The following SNTG2 variants were observed in gnomAD, a reference collection of about 807,000 sequenced individuals.
SNTG2 encodes gamma-2-syntrophin.
Under a neutral mutation model 70.9 loss-of-function variants are expected in SNTG2, and 74 were observed. The observed-to-expected ratio is 1.04, with a 90% confidence interval of 0.86 to 1.27. The LOEUF (loss-of-function observed/expected upper bound fraction) is 1.27, where lower values mean the gene tolerates loss of function less well. Ranked by LOEUF, SNTG2 falls within the 50% of genes most tolerant of loss-of-function variation. The pLI is 0.00. For synonymous variants in SNTG2, 278 were observed against 273.8 expected (o/e 1.02, Z -0.15); for missense variants, 717 against 690.7 (o/e 1.04, Z -0.43).
Position 1,038,477 on chromosome 2 carries a change from T to G in SNTG2, c.73-45041T>G, listed in dbSNP as rs916390554. Among the ~76,000 whole-genome samples, 8 of 152,222 alleles carry G rather than the reference T, an allele frequency of 5.3e-5. No individual in the cohort carries two copies. The South Asian group carries it at 1.2e-3, about 24-fold the overall frequency. ...TGGACCCGAGGAAGCTCCGCCTTCC[T>G]TGAAGTCATAGCCCCTCCTACAGTT... On this transcript the variant is annotated intron_variant, in intron 1 of 16. Coordinates refer to ENST00000308624, the MANE Select transcript of SNTG2 (RefSeq NM_018968.4).
rs11900843 is a variant in SNTG2, at chr2:1,094,854, T to C, written c.211-3342T>C. Among the ~76,000 whole-genome samples the C allele has an allele frequency of 9.7e-4, 71 of 73,420 alleles. 21 individuals are homozygous for C. The highest frequency in any genetic ancestry group is 1.9e-3 in the South Asian group (3 of 1,600). The allele number at this position is 73,420 out of a possible 152,430, so 48.2% of individuals were successfully genotyped here. On this transcript the variant is annotated intron_variant, in intron 2 of 16. Coordinates refer to ENST00000308624, the MANE Select transcript of SNTG2 (RefSeq NM_018968.4). ...ATGTGGTAGAGTTACTGGCAAGGGC[T>C]GGCTTCCTGGGCTGCAGGCGAAGGC...
chr2:951,832 G>C (rs1208147399), intron 1 of SNTG2, among the ~76,000 whole-genome samples: 1 of 152,052 alleles, frequency 6.6e-6, no homozygotes, highest in Non-Finnish European at 1.5e-5. Context: ...CGAGAAGCGC[G>C]GCTGTTAATG....
chr2:1,322,397 GT>G (rs2148272812), intron 16 of SNTG2, among the ~76,000 whole-genome samples: 1 of 152,300 alleles, frequency 6.6e-6, no homozygotes, highest in African/African-American at 2.4e-5. Context: ...CAGAAACCAG[GT>G]CAGGTGCGTC....
rs544349985 is a variant in SNTG2 at position 1,116,915 on chromosome 2, T to C, written c.325+18505T>C. On this transcript the variant is annotated intron_variant, in intron 4 of 16. Coordinates refer to ENST00000308624, the MANE Select transcript of SNTG2 (RefSeq NM_018968.4). Reference sequence around the variant, plus strand: ...GTGCCCTAGTGTGTGGGTGCTCTGGTGTGTGGGTGCCCTGGCGTGTGGGTG... The same window carrying C: ...GTGCCCTAGTGTGTGGGTGCTCTGGCGTGTGGGTGCCCTGGCGTGTGGGTG... 5.1e-4 allele frequency among the ~76,000 whole-genome samples: 71 copies of C among 139,866 alleles called. No individual in the cohort carries two copies. In the South Asian group the frequency reaches 6.8e-3, roughly 13 times the overall value. The allele number at this position is 139,866 out of a possible 152,430, so 91.8% of individuals were successfully genotyped here.
chr2:1,143,129 A>G (rs888115914), intron 6 of SNTG2, among the ~76,000 whole-genome samples: 4 of 152,220 alleles, frequency 2.6e-5, no homozygotes, highest in African/African-American at 9.6e-5. Context: ...TGCAAAAGGG[A>G]CACAGACATG....
intron 4 of SNTG2, among the ~76,000 whole-genome samples, chr2:1,105,419 G>A (rs1483368081): frequency 3.3e-5 from 5 of 152,138 alleles, no homozygotes; most frequent in Non-Finnish European, 7.3e-5. Flanking sequence ...TAGATATGGT[G>A]TCCTTCACAC....
At chr2:1,340,960 ATT>A (rs1195767056) in intron 16 of SNTG2, 1 of 152,212 alleles carries the variant, frequency 6.6e-6, no homozygotes, top group Non-Finnish European at 1.5e-5. Context: ...TGATGTTTAA[ATT>A]GTGCCAGAGT....
intron 14 of SNTG2, among the ~76,000 whole-genome samples, chr2:1,291,964 G>C (rs367774107): frequency 5.3e-5 from 8 of 152,146 alleles, no homozygotes; most frequent in African/African-American, 1.9e-4. Flanking sequence ...AACAATCCAT[G>C]AGCACAAGAT....
intron 1 of SNTG2, among the ~76,000 whole-genome samples, chr2:1,044,181 G>A (rs1162098592): frequency 1.3e-5 from 2 of 151,780 alleles, no homozygotes; most frequent in Admixed American, 1.3e-4. Flanking sequence ...TGTTTTTGTG[G>A]CTGTTGTGAA....
At position 1,117,549 on chromosome 2, in the gene SNTG2, G is replaced by C. The variant is rs571416577; in HGVS notation, c.325+19139G>C. ...AGCTGGAGCCCTCACGGAGTCCTGT[G>C]TGTGGCTGTGCTTTCTGGGGCTGAG... On this transcript the variant is annotated intron_variant, in intron 4 of 16. Transcript: ENST00000308624. 2.0e-5 allele frequency among the ~76,000 whole-genome samples: 3 copies of C among 152,308 alleles called. No homozygotes were observed. In the South Asian group the frequency reaches 6.2e-4, roughly 32 times the overall value.
chr2:1,005,954 A>G (rs1204481884), intron 1 of SNTG2, among the ~76,000 whole-genome samples: 2 of 149,786 alleles, frequency 1.3e-5, no homozygotes, highest in Non-Finnish European at 3.0e-5. Flanking sequence ...CAACTGAATT[A>G]TATGGAGGAA....
chr2:984,247 A>G (rs964936928), intron 1 of SNTG2, among the ~76,000 whole-genome samples: 2 of 144,390 alleles, frequency 1.4e-5, no homozygotes, highest in African/African-American at 5.2e-5. Context: ...CTTTTACCCA[A>G]AAGAAACAAA....
chr2:988,905 G>A (rs1386461278), intron 1 of SNTG2, among the ~76,000 whole-genome samples: 1 of 151,964 alleles, frequency 6.6e-6, no homozygotes, highest in Non-Finnish European at 1.5e-5. Flanking sequence ...GATCTCCTTT[G>A]AATTCTACCA....
At chr2:1,083,428 T>A in intron 1 of SNTG2, 90 bp from the exon 2 acceptor site, 1 of 1,393,860 alleles carries the variant, frequency 7.2e-7, no homozygotes, top group Non-Finnish European at 1.0e-6. Flanking sequence ...CATTTTAGGA[T>A]TGTCTTGAGC....
intron 1 of SNTG2, among the ~76,000 whole-genome samples, chr2:955,366 AC>A (rs1432952161): frequency 6.6e-6 from 1 of 152,212 alleles, no homozygotes; most frequent in Non-Finnish European, 1.5e-5. Context: ...AAAAACAATC[AC>A]ATAGAACATT....
At chr2:1,208,223 T>TACACCTGTGAGTGTGGGGC (rs147732852) in intron 8 of SNTG2, among the ~76,000 whole-genome samples, 8 of 144,220 alleles carry the variant, frequency 5.5e-5, no homozygotes, top group Admixed American at 2.7e-4. Context: ...GAGCGCGGGT[T>TACACCTGTGAGTGTGGGGC]ACACCTGTGA....
Position 993,543 on chromosome 2 carries a change from G to A in SNTG2, c.72+42475G>A, listed in dbSNP as rs114144200. On this transcript the variant is annotated intron_variant, in intron 1 of 16. Coordinates refer to ENST00000308624, the MANE Select transcript of SNTG2 (RefSeq NM_018968.4). ...TATGAGTGGAATTACTGGCCACACT[G>A]TTTCCAATTATATTTCATTATTTTC... is the stretch of plus-strand genomic sequence containing the variant. Among the ~76,000 whole-genome samples, 130 of 152,126 alleles carry A rather than the reference G, an allele frequency of 8.5e-4. 1 individual carries two copies. The highest frequency in any genetic ancestry group is 3.1e-3 in the African/African-American group (127 of 41,490).
intron 14 of SNTG2, among the ~76,000 whole-genome samples, chr2:1,285,542 G>C (rs186361419): frequency 9.2e-5 from 14 of 152,168 alleles, no homozygotes; most frequent in African/African-American, 1.4e-4. Flanking sequence ...CTTAAATGCT[G>C]ACATGAAGGC....
At chr2:1,364,268 C>T (rs929189912) in intron 16 of SNTG2, among the ~76,000 whole-genome samples, 4 of 151,110 alleles carry the variant, frequency 2.6e-5, no homozygotes, top group African/African-American at 9.8e-5. Context: ...AGGCGTGATC[C>T]ACCATACCCA....
Sources: gnomAD v4.1 joint callset for allele counts (sites outside exome capture counted in the v4.1 genomes callset) on GRCh38, gnomAD v4.1.1 for gene constraint, MANE v1.5 for transcripts, NCBI Gene and HGNC (gene_info 2026-07-23, HGNC 2026-07-21) for gene names.